Variants in ACAN observed in about 807,000 individuals in gnomAD.
ACAN encodes aggrecan.
ACAN carries 47 observed loss-of-function variants against 169.1 expected under a neutral mutation model. The ratio of observed to expected loss-of-function variants is 0.28; its 90% CI spans 0.22 to 0.35. ACAN has a LOEUF of 0.35. Ranked by LOEUF, ACAN falls within the 10% of genes least tolerant of loss-of-function variation. The pLI, the probability that ACAN is intolerant of heterozygous loss-of-function variation, is 1.00. For synonymous variants in ACAN, 1,115 were observed against 1,112.2 expected (o/e 1.00, Z -0.05); for missense variants, 2,716 against 2,759.9 (o/e 0.98, Z 0.36).
In ACAN at chr15:88,849,425, C is replaced by A; in HGVS notation, c.1733-13C>A. On this transcript the variant is annotated splice_polypyrimidine_tract_variant and intron_variant, in intron 9 of 18. Coordinates refer to ENST00000560601, the MANE Select transcript of ACAN (RefSeq NM_001369268.1). This position sits in a 1 kb window ranked among gnomAD's most constrained non-coding sequence, Gnocchi z 5.1. ...TGGGGGGGTCATATTCTACCCCTTG[C>A]CTCTGCCCCCAGGGGAGGTGTTCTT... The A allele has an allele frequency of 6.4e-7, 1 of 1,566,274 alleles. No homozygotes were observed. Among genetic ancestry groups the A allele is most frequent in the Non-Finnish European group, 8.7e-7 (1 of 1,152,966 alleles).
In ACAN at chr15:88,857,432, G is replaced by A. The variant is rs1368439607; in HGVS notation, c.4847G>A (p.Ser1616Asn). The change falls in exon 12 of 19, where the codon AGT (serine) becomes AAT (asparagine). Residue 1616 changes from serine (S) to asparagine (N), a missense_variant. By Grantham distance (46) the Ser-to-Asn change is conservative (BLOSUM62 1). Around this residue, in one of 3 missense-constraint regions of ACAN, gnomAD observed 1,389 missense variants for 1,363.7 expected, o/e 1.02. Coordinates refer to ENST00000560601, the MANE Select transcript of ACAN (RefSeq NM_001369268.1). ...AAACTGCCTTCTGGAACTCTAGGAAGTGGGCAAGCTCCAGAAACAAGTGGT... is the reference window on the plus strand; with the variant it reads ...AAACTGCCTTCTGGAACTCTAGGAAATGGGCAAGCTCCAGAAACAAGTGGT... Reference protein sequence around the residue: ...LGKLPSGTLGSGQAPETSGLP... With the variant: ...LGKLPSGTLGNGQAPETSGLP... The A allele has an allele frequency of 6.2e-7, 1 of 1,613,902 alleles. No individual in the cohort carries two copies. The highest frequency in any genetic ancestry group is 1.7e-5 in the Admixed American group (1 of 60,034).
In ACAN at chr15:88,856,967, C is replaced by T. The variant is rs375536994; in HGVS notation, c.4382C>T (p.Thr1461Ile). The T allele has an allele frequency of 8.1e-6, 13 of 1,613,350 alleles. No homozygotes were observed. The African/African-American group carries it at 1.2e-4, about 15-fold the overall frequency. Reference sequence around the variant, plus strand: ...TCTGGAGAAGTTCTAGAGACTTCTACCTCTGCGGTAGGGGACCTCAGTGGA... The same window carrying T: ...TCTGGAGAAGTTCTAGAGACTTCTATCTCTGCGGTAGGGGACCTCAGTGGA... The part of the protein sequence containing the change: ...LPSGEVLETS[T>I]SAVGDLSGLP... Residue 1461 changes from threonine to isoleucine, a missense_variant, in exon 12 of 19, where the codon ACC becomes ATC. Physicochemically the swap from Thr to Ile is moderately conservative, Grantham distance 89. This residue lies in a region of ACAN where 1,389 missense variants were observed against 1,363.7 expected (regional missense o/e 1.02). Coordinates refer to ENST00000560601, the MANE Select transcript of ACAN (RefSeq NM_001369268.1).
intron 1 of ACAN, among the ~76,000 whole-genome samples, chr15:88,822,381 C>G (rs1896098848): frequency 6.6e-6 from 1 of 152,202 alleles, no homozygotes; most frequent in African/African-American, 2.4e-5. Context: ...CAGAAAATCC[C>G]AGGAGCGTGA....
intron 1 of ACAN, among the ~76,000 whole-genome samples, chr15:88,812,996 A>G (rs1264155719): frequency 6.6e-6 from 1 of 152,164 alleles, no homozygotes; most frequent in African/African-American, 2.4e-5. Context: ...CATCCCTCAG[A>G]GAAAGTCAAG....
chr15:88,856,992 A>G lies in ACAN; in HGVS notation c.4407A>G (p.Gly1469=), dbSNP rs373123198. 4 of 1,610,270 alleles carry G rather than the reference A, an allele frequency of 2.5e-6. No individual in the cohort carries two copies. The highest frequency in any genetic ancestry group is 1.7e-4 in the Middle Eastern group (1 of 6,016). The change falls in exon 12 of 19, where the codon GGA becomes GGG. Residue 1469 remains glycine (G), a synonymous_variant. Transcript: ENST00000560601. ...TSTSAVGDLS[G]LPSGGEVLEI... ...CCTCTGCGGTAGGGGACCTCAGTGG[A>G]CTTCCTTCTGGAGGAGAAGTTCTAG...
chr15:88,848,003 C>A lies in ACAN; in HGVS notation c.1697C>A (p.Thr566Asn). 5.6e-6 allele frequency: 9 copies of A among 1,613,994 alleles called. No individual in the cohort carries two copies. In the South Asian group the frequency reaches 7.7e-5, roughly 14 times the overall value. Residue 566 changes from threonine (T) to asparagine (N), a missense_variant, in exon 9 of 19, where the codon ACC becomes AAC. Physicochemically the swap from Thr to Asn is moderately conservative, Grantham distance 65. Around this residue, in one of 3 missense-constraint regions of ACAN, gnomAD observed 1,283 missense variants for 1,281.5 expected, o/e 1.00. Transcript: ENST00000560601. ...TATGGCGTGCGCCCATCAACAGAGA[C>A]CTACGATGTCTACTGCTTTGTAGAC... ...RTYGVRPSTE[T>N]YDVYCFVDRL...
At position 88,838,564 on chromosome 15, in the gene ACAN, C is replaced by G; in HGVS notation, c.71-99C>G. ...ACAGACACACTCATCGGATTTCGCT[C>G]TCTCAGGAGAGTGCATTGCTGGAAG... On this transcript the variant is annotated intron_variant, in intron 2 of 18. Transcript: ENST00000560601. This position sits in a 1 kb window ranked among gnomAD's most constrained non-coding sequence, Gnocchi z 5.1. 7.2e-7 allele frequency: 1 copy of G among 1,397,170 alleles called. No homozygotes were observed. The allele number at this position is 1,397,170 out of a possible 1,614,324, so 86.5% of individuals were successfully genotyped here. A position where few individuals can be genotyped will look rare whatever the true frequency, so the allele number is the denominator to read the frequency against.
Position 88,847,398 on chromosome 15 carries a change from C to T in ACAN, c.1585C>T (p.Leu529=), listed in dbSNP as rs1896821875. 1 of 1,580,256 alleles carries T rather than the reference C, an allele frequency of 6.3e-7. No individual in the cohort carries two copies. Among genetic ancestry groups the T allele is most frequent in the South Asian group, 1.2e-5 (1 of 86,860 alleles). Residue 529 remains leucine, a synonymous_variant, in exon 8 of 19, where the codon CTG becomes TTG. Coordinates refer to ENST00000560601, the MANE Select transcript of ACAN (RefSeq NM_001369268.1). The part of the protein sequence containing the change: ...AGYEQCDAGW[L]RDQTVRYPIV... ...CTATGAGCAGTGTGACGCCGGCTGG[C>T]TGCGGGACCAGACCGTCAGGTGAAG...
intron 9 of ACAN, 93 bp downstream of exon 9, chr15:88,848,131 C>G: frequency 6.6e-7 from 1 of 1,505,728 alleles, no homozygotes; most frequent in East Asian, 2.3e-5. Flanking sequence ...GGGGTTACCA[C>G]CCACCCACCC....
chr15:88,845,650 T>C lies in ACAN; in HGVS notation c.1197T>C (p.Leu399=). The stretch of plus-strand genomic sequence containing the variant: ...GTGAAGCCCGAGGCAGCGTGATCCT[T>C]ACCGTAAAGCCCATCTTCGAGGTCT... ...TEGEARGSVI[L]TVKPIFEVSP... is the part of the protein sequence containing the mutation. Residue 399 remains leucine, a synonymous_variant, in exon 7 of 19, where the codon CTT becomes CTC. Transcript: ENST00000560601. 1 of 1,614,048 alleles carries C rather than the reference T, an allele frequency of 6.2e-7. No homozygotes were observed. The highest frequency in any genetic ancestry group is 2.2e-5 in the East Asian group (1 of 44,886).
chr15:88,848,007 C>T lies in ACAN; in HGVS notation c.1701C>T (p.Tyr567=), dbSNP rs536865924. 6.2e-6 allele frequency: 10 copies of T among 1,613,952 alleles called. No homozygotes were observed. Among genetic ancestry groups the T allele is most frequent in the Middle Eastern group, 1.6e-4 (1 of 6,062 alleles). Residue 567 remains tyrosine (Y), a synonymous_variant, in exon 9 of 19, where the codon TAC becomes TAT. Coordinates refer to ENST00000560601, the MANE Select transcript of ACAN (RefSeq NM_001369268.1). ...TYGVRPSTET[Y]DVYCFVDRLE... is the part of the protein sequence containing the mutation. ...GCGTGCGCCCATCAACAGAGACCTA[C>T]GATGTCTACTGCTTTGTAGACAGAC...
chr15:88,842,256 C>T (rs1248904261), intron 5 of ACAN, among the ~76,000 whole-genome samples: 1 of 152,148 alleles, frequency 6.6e-6, no homozygotes, highest in African/African-American at 2.4e-5. Flanking sequence ...GACACTACAC[C>T]TGCAACAAAG....
intron 1 of ACAN, among the ~76,000 whole-genome samples, chr15:88,822,219 C>T (rs1181036966): frequency 1.3e-5 from 2 of 152,208 alleles, no homozygotes; most frequent in African/African-American, 2.4e-5. Context: ...ATGGCCCAAG[C>T]CTCCCACATA....
intron 1 of ACAN, among the ~76,000 whole-genome samples, chr15:88,809,011 G>A (rs1278752924): frequency 6.6e-6 from 1 of 152,240 alleles, no homozygotes; most frequent in African/African-American, 2.4e-5. Context: ...TCCTCTCTGA[G>A]CCTCACTGCG....
In ACAN at chr15:88,838,754, C is replaced by T. The variant is rs377037099; in HGVS notation, c.162C>T (p.Ile54=). ...GTSLTIPCYF[I]DPMHPVTTAP... ...CCCTCACCATCCCCTGCTATTTCATCGACCCCATGCACCCTGTGACCACCG... is the reference window on the plus strand; with the variant it reads ...CCCTCACCATCCCCTGCTATTTCATTGACCCCATGCACCCTGTGACCACCG... Residue 54 remains isoleucine, a synonymous_variant, in exon 3 of 19, where the codon ATC becomes ATT. Coordinates refer to ENST00000560601, the MANE Select transcript of ACAN (RefSeq NM_001369268.1). This position sits in a 1 kb window ranked among gnomAD's most constrained non-coding sequence, Gnocchi z 5.1. The T allele has an allele frequency of 9.0e-5, 145 of 1,613,478 alleles. No homozygotes were observed. The highest frequency in any genetic ancestry group is 8.8e-4 in the Admixed American group (53 of 60,014).
intron 13 of ACAN, among the ~76,000 whole-genome samples, chr15:88,865,660 C>T (rs559097163): frequency 1.3e-5 from 2 of 152,286 alleles, no homozygotes; most frequent in East Asian, 3.9e-4. Context: ...GCCCTTCCCT[C>T]CCTCCACTTG....
chr15:88,818,791 G>A (rs1042407604), intron 1 of ACAN, among the ~76,000 whole-genome samples: 3 of 152,220 alleles, frequency 2.0e-5, no homozygotes, highest in Non-Finnish European at 2.9e-5. Context: ...ACCCCATGAA[G>A]AGATTCAGTT....
chr15:88,871,510 G>C lies in ACAN; in HGVS notation c.7189G>C (p.Val2397Leu), dbSNP rs150555123. The C allele has an allele frequency of 2.5e-5, 40 of 1,613,546 alleles. No homozygotes were observed. The highest frequency in any genetic ancestry group is 6.6e-5 in the South Asian group (6 of 91,014). The change falls in exon 15 of 19, where the codon GTC (valine) becomes CTC (leucine). Residue 2397 changes from valine (V) to leucine (L), a missense_variant. Physicochemically the swap from Val to Leu is conservative, Grantham distance 32 (BLOSUM62 1). This residue lies in a region of ACAN where 1,389 missense variants were observed against 1,363.7 expected (regional missense o/e 1.02). Coordinates refer to ENST00000560601, the MANE Select transcript of ACAN (RefSeq NM_001369268.1). This position sits in a 1 kb window ranked among gnomAD's most constrained non-coding sequence, Gnocchi z 7.8. ...REQQSHLSSIVTPEEQEFVNN... is the reference protein window; with the variant it reads ...REQQSHLSSILTPEEQEFVNN... ...GCAGCAGTCACACCTGAGCAGCATC[G>C]TCACCCCCGAGGAGCAGGAGTTTGT...
rs146191522 is a variant in ACAN at position 88,823,155 on chromosome 15, G to T, written c.-7-13045G>T. On this transcript the variant is annotated intron_variant, in intron 1 of 18. Coordinates refer to ENST00000560601, the MANE Select transcript of ACAN (RefSeq NM_001369268.1). ...TCCCAGCCCCTTCTCATAGAGGAAA[G>T]ATCTCTCTGTCCTGCAGGGTTGGCA... is the stretch of plus-strand genomic sequence containing the variant. Among the ~76,000 whole-genome samples the T allele has an allele frequency of 2.4e-4, 37 of 152,336 alleles. 1 individual carries two copies. The East Asian group carries it at 6.9e-3, about 29-fold the overall frequency.
Sources: gnomAD v4.1 joint callset for allele counts (sites outside exome capture counted in the v4.1 genomes callset) on GRCh38, gnomAD v4.1.1 for gene constraint, gnomAD v4.1.1 regional missense constraint, Gnocchi (gnomAD v3.1) non-coding constraint, MANE v1.5 for transcripts, NCBI Gene and HGNC (gene_info 2026-07-23, HGNC 2026-07-21) for gene names.